Variants in PLXNA4 observed in about 807,000 individuals in gnomAD.
PLXNA4 encodes the protein plexin A4.
In PLXNA4, 44 loss-of-function variants were observed where a neutral mutation model predicts 191.8. The observed-to-expected ratio is 0.23, with a 90% CI of 0.18 to 0.29. The LOEUF (loss-of-function observed/expected upper bound fraction) is 0.29. Among genes scored for constraint, PLXNA4 ranks in the 10% least tolerant of loss-of-function variants. The pLI is 1.00. For synonymous variants in PLXNA4, 1,082 were observed against 1,009.5 expected (o/e 1.07, Z -1.36); for missense variants, 1,800 against 2,488.8 (o/e 0.72, Z 5.89).
At chr7:132,297,957 A>G in intron 4 of PLXNA4, 134 bp downstream of exon 4, 3 of 1,155,626 alleles carry the variant, frequency 2.6e-6, no homozygotes, top group Admixed American at 2.1e-5. Flanking sequence ...ACTGAAAAGT[A>G]TAACTGAAAA....
chr7:132,486,651 G>A (rs1218449972), intron 3 of PLXNA4, among the ~76,000 whole-genome samples: 1 of 152,196 alleles, frequency 6.6e-6, no homozygotes, highest in Admixed American at 6.5e-5. Flanking sequence ...CCTTTCAAAT[G>A]TTTATGCCTC....
chr7:132,207,575 G>T (rs1797667071), intron 10 of PLXNA4, among the ~76,000 whole-genome samples: 1 of 152,216 alleles, frequency 6.6e-6, no homozygotes, highest in Non-Finnish European at 1.5e-5. Context: ...GCAGCCATTG[G>T]CTCAAGGCCT....
intron 9 of PLXNA4, among the ~76,000 whole-genome samples, chr7:132,214,660 G>A (rs1430563480): frequency 1.3e-5 from 2 of 152,054 alleles, no homozygotes; most frequent in Admixed American, 6.5e-5. Flanking sequence ...AAACTTTCAT[G>A]TTCCTCCAGG....
At chr7:132,625,873 C>T (rs1803360272) in intron 2 of PLXNA4, among the ~76,000 whole-genome samples, 1 of 152,174 alleles carries the variant, frequency 6.6e-6, no homozygotes, top group African/African-American at 2.4e-5. Flanking sequence ...AAATCCTGCT[C>T]TCACGGAGTT....
intron 5 of PLXNA4, among the ~76,000 whole-genome samples, chr7:132,229,937 G>T (rs544811345): frequency 1.3e-5 from 2 of 152,234 alleles, no homozygotes; most frequent in South Asian, 2.1e-4. Context: ...TGGGTGGAGA[G>T]CCTGAGAGGA....
intron 4 of PLXNA4, among the ~76,000 whole-genome samples, chr7:132,291,982 G>A (rs1277521121): frequency 6.6e-6 from 1 of 152,066 alleles, no homozygotes; most frequent in African/African-American, 2.4e-5. Context: ...TTTTAGTAGA[G>A]ATGGGTTTCT....
intron 3 of PLXNA4, among the ~76,000 whole-genome samples, chr7:132,371,297 G>A (rs766065835): frequency 2.0e-5 from 3 of 152,126 alleles, no homozygotes; most frequent in Non-Finnish European, 4.4e-5. Context: ...GGCAAGGAAG[G>A]AGCTTACCAA....
chr7:132,553,300 C>T lies in PLXNA4; in HGVS notation c.-87+23122G>A, dbSNP rs115277536. 5.6e-3 allele frequency among the ~76,000 whole-genome samples: 854 copies of T among 152,310 alleles called. 12 individuals are homozygous for T. The highest frequency in any genetic ancestry group is 0.019 in the African/African-American group (790 of 41,582). On this transcript the variant is annotated intron_variant, in intron 1 of 31. Transcript: ENST00000321063. The stretch of plus-strand genomic sequence containing the variant: ...GGACATGGCAGGAGGCAGCTCTCAG[C>T]AGCCCTTAGGCTATTTTCCACATTA...
In PLXNA4 at chr7:132,182,100, G is replaced by A; in HGVS notation, c.3249C>T (p.Ile1083=). The A allele has an allele frequency of 6.2e-7, 1 of 1,614,156 alleles. No homozygotes were observed. The highest frequency in any genetic ancestry group is 8.5e-7 in the Non-Finnish European group (1 of 1,180,038). Residue 1083 remains isoleucine (I), a synonymous_variant, in exon 17 of 32, where the codon ATC becomes ATT. Coordinates refer to ENST00000321063, the MANE Select transcript of PLXNA4 (RefSeq NM_020911.2). Reference sequence around the variant, plus strand: ...ACCCCATCAGCCCTACACTCACATTGATGTGCTCCTTCCCTCCATGCTTGG... The same window carrying A: ...ACCCCATCAGCCCTACACTCACATTAATGTGCTCCTTCCCTCCATGCTTGG... ...IRAKHGGKEH[I]NICEVLNATE...
chr7:132,340,097 A>G (rs113562566), intron 3 of PLXNA4, among the ~76,000 whole-genome samples: 2 of 152,186 alleles, frequency 1.3e-5, no homozygotes, highest in African/African-American at 4.8e-5. Flanking sequence ...TCTAGGTCTC[A>G]TTCACAATCT....
intron 2 of PLXNA4, among the ~76,000 whole-genome samples, chr7:132,614,866 G>A (rs1803120905): frequency 6.6e-6 from 1 of 152,226 alleles, no homozygotes; most frequent in Admixed American, 6.5e-5. Flanking sequence ...CAGATGTGCA[G>A]AGAGGCGGAG....
chr7:132,361,509 T>G (rs1803941320), intron 3 of PLXNA4, among the ~76,000 whole-genome samples: 1 of 152,188 alleles, frequency 6.6e-6, no homozygotes, highest in Non-Finnish European at 1.5e-5. Context: ...CACAACCAGT[T>G]ATTAGCTTAG....
intron 2 of PLXNA4, among the ~76,000 whole-genome samples, chr7:132,612,500 G>GA (rs1434511219): frequency 1.3e-5 from 2 of 151,636 alleles, no homozygotes; most frequent in Non-Finnish European, 2.9e-5. Flanking sequence ...CATCTCTACT[G>GA]AAAAAATACA....
At position 132,132,983 on chromosome 7, in the gene PLXNA4, A is replaced by T. The variant is rs185662934; in HGVS notation, c.5589+66T>A. The stretch of plus-strand genomic sequence containing the variant: ...TGGCGATGATCTCTTATACGGAGGC[A>T]TGCAGGGTTGTCTTCATTCTCTTCC... On this transcript the variant is annotated intron_variant, in intron 31 of 31. Coordinates refer to ENST00000321063, the MANE Select transcript of PLXNA4 (RefSeq NM_020911.2). The T allele has an allele frequency of 4.2e-5, 66 of 1,571,120 alleles. No homozygotes were observed. In the East Asian group the frequency reaches 1.3e-3, roughly 30 times the overall value.
intron 3 of PLXNA4, among the ~76,000 whole-genome samples, chr7:132,386,730 G>C (rs1805160992): frequency 6.6e-6 from 1 of 152,212 alleles, no homozygotes; most frequent in South Asian, 2.1e-4. Context: ...AAACAGGTGG[G>C]ATGAGGATAT....
chr7:132,247,432 C>T (rs535007423), intron 4 of PLXNA4, among the ~76,000 whole-genome samples: 1 of 152,224 alleles, frequency 6.6e-6, no homozygotes, highest in East Asian at 1.9e-4. Context: ...GCAAGATGAC[C>T]CATTAAGAAA....
chr7:132,133,613 C>G (rs1484199792), intron 30 of PLXNA4, among the ~76,000 whole-genome samples: 1 of 152,154 alleles, frequency 6.6e-6, no homozygotes, highest in Non-Finnish European at 1.5e-5. Flanking sequence ...AGCGGTTGCT[C>G]TTCTCTGATG....
intron 4 of PLXNA4, among the ~76,000 whole-genome samples, chr7:132,247,439 GA>G (rs1799098607): frequency 6.6e-6 from 1 of 152,184 alleles, no homozygotes. Flanking sequence ...GACCCATTAA[GA>G]AACTCCAAGA....
chr7:132,562,495 T>TCTCCTC (rs1398504731), intron 1 of PLXNA4, among the ~76,000 whole-genome samples: 1 of 69,884 alleles, frequency 1.4e-5, no homozygotes, highest in African/African-American at 6.2e-5. Flanking sequence ...TCTTCCTCTT[T>TCTCCTC]CTCCTCCTCC....
Sources: allele counts gnomAD v4.1 joint callset (sites outside exome capture counted in the v4.1 genomes callset), GRCh38; gene constraint gnomAD v4.1.1; transcripts MANE v1.5; gene names NCBI Gene and HGNC (gene_info 2026-07-23, HGNC 2026-07-21).